PEX5L: variants seen among roughly 807,000 people sequenced by gnomAD.
PEX5L encodes the protein peroxisomal biogenesis factor 5 like.
A neutral mutation model predicts 84.0 loss-of-function variants in PEX5L; 30 were observed. That is an observed-to-expected ratio of 0.36 (90% confidence interval 0.27 to 0.48). PEX5L has a LOEUF of 0.48. PEX5L is among the 20% of genes least tolerant of loss of function. The pLI is 0.99. For synonymous variants in PEX5L, 270 were observed against 283.1 expected (o/e 0.95, Z 0.46); for missense variants, 533 against 754.6 (o/e 0.71, Z 3.44).
intron 1 of PEX5L, among the ~76,000 whole-genome samples, chr3:180,018,913 A>G (rs1468338582): frequency 6.6e-6 from 1 of 152,100 alleles, no homozygotes; most frequent in East Asian, 1.9e-4. Flanking sequence ...AAAATCCAGA[A>G]CAGCAAGCCT....
At chr3:179,949,278 A>C (rs1403194751) in intron 2 of PEX5L, among the ~76,000 whole-genome samples, 1 of 152,166 alleles carries the variant, frequency 6.6e-6, no homozygotes, top group Non-Finnish European at 1.5e-5. Flanking sequence ...GAAAATTACT[A>C]CTAATATTTT....
intron 2 of PEX5L, among the ~76,000 whole-genome samples, chr3:179,918,613 C>T (rs900351283): frequency 6.6e-6 from 1 of 152,140 alleles, no homozygotes; most frequent in Admixed American, 6.5e-5. Flanking sequence ...GGCAAGGTTG[C>T]CTTTCTGAGC....
chr3:179,941,851 T>A (rs1216650747), intron 2 of PEX5L, among the ~76,000 whole-genome samples: 1 of 151,392 alleles, frequency 6.6e-6, no homozygotes, highest in East Asian at 1.9e-4. Flanking sequence ...TGAAAACCCG[T>A]CTCTACTAAA....
chr3:179,817,336 T>C (rs904278090), intron 9 of PEX5L, among the ~76,000 whole-genome samples: 3 of 152,228 alleles, frequency 2.0e-5, no homozygotes. Flanking sequence ...CGCTTAGTTT[T>C]ATATTGTGAT....
At chr3:179,887,573 A>C in intron 4 of PEX5L, 100 bp downstream of exon 4, 1 of 775,828 alleles carries the variant, frequency 1.3e-6, no homozygotes, top group Non-Finnish European at 2.2e-6. Context: ...TTGGTTGCAA[A>C]CGTTCTTTCC....
At chr3:180,024,508 G>A (rs1286904106) in intron 1 of PEX5L, among the ~76,000 whole-genome samples, 1 of 145,664 alleles carries the variant, frequency 6.9e-6, no homozygotes, top group African/African-American at 2.6e-5. Flanking sequence ...TCATGCCACT[G>A]CACTCCAGCC....
intron 8 of PEX5L, among the ~76,000 whole-genome samples, chr3:179,823,625 T>G (rs1404248234): frequency 6.6e-6 from 1 of 152,234 alleles, no homozygotes; most frequent in Admixed American, 6.5e-5. Flanking sequence ...CTTTTCAATT[T>G]CAGTTTCTCC....
At chr3:179,984,717 A>G (rs946144650) in intron 1 of PEX5L, among the ~76,000 whole-genome samples, 3 of 152,234 alleles carry the variant, frequency 2.0e-5, no homozygotes, top group Non-Finnish European at 4.4e-5. Context: ...GGAAAATTCC[A>G]TAATAGACTA....
chr3:179,924,288 G>T (rs2109475021), intron 2 of PEX5L, among the ~76,000 whole-genome samples: 1 of 152,248 alleles, frequency 6.6e-6, no homozygotes, highest in South Asian at 2.1e-4. Flanking sequence ...ACGTACTGTA[G>T]TTATTTATGG....
intron 1 of PEX5L, among the ~76,000 whole-genome samples, chr3:179,989,335 T>G (rs1787170562): frequency 6.6e-6 from 1 of 152,224 alleles, no homozygotes; most frequent in Admixed American, 6.5e-5. Flanking sequence ...TTCCTATATT[T>G]AGGTATAACT....
At chr3:179,946,293 T>C (rs902076318) in intron 2 of PEX5L, among the ~76,000 whole-genome samples, 4 of 152,180 alleles carry the variant, frequency 2.6e-5, no homozygotes, top group Non-Finnish European at 4.4e-5. Context: ...GCTTTCTTAA[T>C]GGTAGATGAG....
At chr3:179,967,853 C>A (rs1783744685) in intron 2 of PEX5L, among the ~76,000 whole-genome samples, 1 of 152,180 alleles carries the variant, frequency 6.6e-6, no homozygotes, top group Non-Finnish European at 1.5e-5. Context: ...AGGCTGCACG[C>A]ATCTCAGACC....
intron 8 of PEX5L, among the ~76,000 whole-genome samples, chr3:179,826,099 G>A (rs1269691331): frequency 6.6e-6 from 1 of 152,156 alleles, no homozygotes; most frequent in Non-Finnish European, 1.5e-5. Context: ...CTGCAGAAAT[G>A]TGGGGAGGAA....
At chr3:179,980,550 T>C (rs1479435477) in intron 1 of PEX5L, among the ~76,000 whole-genome samples, 1 of 152,158 alleles carries the variant, frequency 6.6e-6, no homozygotes, top group African/African-American at 2.4e-5. Flanking sequence ...GGCTTATATA[T>C]TCACTATAAC....
chr3:179,939,916 G>C (rs1775604548), intron 2 of PEX5L, among the ~76,000 whole-genome samples: 1 of 152,154 alleles, frequency 6.6e-6, no homozygotes, highest in South Asian at 2.1e-4. Context: ...TCAACTTATG[G>C]TCCTATAAAT....
chr3:179,809,721 C>G, intron 11 of PEX5L, 53 bp from the exon 12 acceptor site: 2 of 1,354,938 alleles, frequency 1.5e-6, no homozygotes, highest in East Asian at 2.3e-5. Flanking sequence ...CACAATCTAA[C>G]AGTTCTTCAG....
intron 12 of PEX5L, 55 bp from the exon 13 acceptor site, chr3:179,808,492 AT>A (rs1428828318): frequency 2.4e-6 from 3 of 1,241,056 alleles, no homozygotes; most frequent in African/African-American, 1.5e-5. Context: ...AACATAAATG[AT>A]TTACTGTTAA....
In PEX5L at chr3:179,801,823, T is replaced by C. The variant is rs759956872; in HGVS notation, c.*5A>G. ...GGGATTATTAGTACTGGTATTATTC[T>C]TTCTTCAAGGATCCAAGTTGAAAGC... On this transcript the variant is annotated 3_prime_UTR_variant, in exon 15 of 15. Transcript: ENST00000467460. 1 of 1,573,262 alleles carries C rather than the reference T, an allele frequency of 6.4e-7. No homozygotes were observed. Among genetic ancestry groups the C allele is most frequent in the Non-Finnish European group, 8.8e-7 (1 of 1,142,510 alleles).
chr3:179,915,504 G>A (rs1314641629), intron 2 of PEX5L, among the ~76,000 whole-genome samples: 1 of 152,232 alleles, frequency 6.6e-6, no homozygotes, highest in Admixed American at 6.5e-5. Flanking sequence ...TGAGAGATGT[G>A]CAGAAAAGTC....
Sources: gnomAD v4.1 joint callset for allele counts (sites outside exome capture counted in the v4.1 genomes callset) on GRCh38, gnomAD v4.1.1 for gene constraint, MANE v1.5 for transcripts, NCBI Gene and HGNC (gene_info 2026-07-23, HGNC 2026-07-21) for gene names.